The following TMEM132D variants were observed in gnomAD, a reference collection of about 807,000 sequenced individuals.
TMEM132D encodes the protein transmembrane protein 132D.
A neutral mutation model predicts 62.3 loss-of-function variants in TMEM132D; 21 were observed. The ratio of observed to expected loss-of-function variants is 0.34; its 90% CI spans 0.24 to 0.49. The LOEUF is 0.49. Ranked by LOEUF, TMEM132D falls within the 20% of genes least tolerant of loss-of-function variation. The pLI, the probability that TMEM132D is intolerant of heterozygous loss-of-function variation, is 0.99. For synonymous variants in TMEM132D, 621 were observed against 575.6 expected (o/e 1.08, Z -1.13); for missense variants, 1,346 against 1,402.8 (o/e 0.96, Z 0.65).
chr12:129,256,103 A>G (rs942583542), intron 4 of TMEM132D, among the ~76,000 whole-genome samples: 3 of 152,212 alleles, frequency 2.0e-5, no homozygotes, highest in African/African-American at 7.2e-5. Flanking sequence ...TTATTGAGAC[A>G]GAGTCTCACT....
chr12:129,885,509 G>A (rs954345339), intron 1 of TMEM132D, among the ~76,000 whole-genome samples: 2 of 152,210 alleles, frequency 1.3e-5, no homozygotes, highest in Non-Finnish European at 2.9e-5. Flanking sequence ...GGTCTACACC[G>A]TGGCTCAGGT....
intron 3 of TMEM132D, among the ~76,000 whole-genome samples, chr12:129,451,718 A>G (rs1336207073): frequency 6.6e-6 from 1 of 152,234 alleles, no homozygotes; most frequent in African/African-American, 2.4e-5. Flanking sequence ...GACAGCCAGG[A>G]CTGATATGGC....
chr12:129,275,743 T>C (rs1032513960), intron 4 of TMEM132D, among the ~76,000 whole-genome samples: 19 of 152,158 alleles, frequency 1.2e-4, no homozygotes, highest in Admixed American at 7.9e-4. Flanking sequence ...GAAGCGGGGA[T>C]CTCACCTGCC....
At chr12:129,112,639 G>C (rs952605217) in intron 5 of TMEM132D, among the ~76,000 whole-genome samples, 1 of 152,070 alleles carries the variant, frequency 6.6e-6, no homozygotes, top group South Asian at 2.1e-4. Flanking sequence ...CTCCAGCCTG[G>C]CCAACAAAAG....
chr12:129,397,864 A>G (rs1197578048), intron 3 of TMEM132D, among the ~76,000 whole-genome samples: 1 of 152,252 alleles, frequency 6.6e-6, no homozygotes, highest in Admixed American at 6.5e-5. Context: ...GCCAGAAAGC[A>G]TTCAAGATAC....
Position 129,366,622 on chromosome 12 carries a change from G to A in TMEM132D, c.1116-28805C>T, listed in dbSNP as rs116938780. Among the ~76,000 whole-genome samples, 1,166 of 152,274 alleles carry A rather than the reference G, an allele frequency of 7.7e-3. 8 individuals are homozygous for A. Among genetic ancestry groups the A allele is most frequent in the Non-Finnish European group, 8.0e-3 (542 of 68,030 alleles). ...TAGGAATGCAAGAATGGACTAATAC[G>A]CCGTGTGAGCTCTAGGACCAGGCAT... On this transcript the variant is annotated intron_variant, in intron 3 of 8. Coordinates refer to ENST00000422113, the MANE Select transcript of TMEM132D (RefSeq NM_133448.3).
chr12:129,350,623 G>A (rs1412226934), intron 3 of TMEM132D, among the ~76,000 whole-genome samples: 1 of 152,186 alleles, frequency 6.6e-6, no homozygotes, highest in African/African-American at 2.4e-5. Flanking sequence ...TACTGAGTGG[G>A]CCCAGACTTC....
At chr12:129,885,278 T>G (rs1874715567) in intron 1 of TMEM132D, among the ~76,000 whole-genome samples, 1 of 152,230 alleles carries the variant, frequency 6.6e-6, no homozygotes, top group African/African-American at 2.4e-5. Context: ...CAAATTATAC[T>G]TCAATTAGCC....
intron 1 of TMEM132D, among the ~76,000 whole-genome samples, chr12:129,813,589 G>A (rs1258909721): frequency 1.5e-5 from 2 of 130,498 alleles, no homozygotes; most frequent in Non-Finnish European, 3.3e-5. Context: ...CCCAGTGAAG[G>A]ATGGACGGAT....
chr12:129,759,542 C>T (rs1870282628), intron 1 of TMEM132D, among the ~76,000 whole-genome samples: 1 of 152,214 alleles, frequency 6.6e-6, no homozygotes, highest in Non-Finnish European at 1.5e-5. Context: ...CAGTTTGCTT[C>T]TCTGTAAAAG....
At chr12:129,807,372 G>C (rs1366025151) in intron 1 of TMEM132D, among the ~76,000 whole-genome samples, 1 of 152,132 alleles carries the variant, frequency 6.6e-6, no homozygotes. Context: ...GTCTCCCCCA[G>C]GTGGCAGCCA....
chr12:129,118,764 A>G (rs1432950716), intron 5 of TMEM132D, among the ~76,000 whole-genome samples: 1 of 152,236 alleles, frequency 6.6e-6, no homozygotes, highest in Admixed American at 6.5e-5. Context: ...TCCAAGTCTA[A>G]CAGAGTGTGT....
chr12:129,832,476 C>T (rs1872872898), intron 1 of TMEM132D, among the ~76,000 whole-genome samples: 1 of 151,912 alleles, frequency 6.6e-6, no homozygotes, highest in Non-Finnish European at 1.5e-5. Flanking sequence ...GCTTGCAGAC[C>T]CTGCACTAAA....
intron 5 of TMEM132D, among the ~76,000 whole-genome samples, chr12:129,104,759 A>C (rs1221605023): frequency 6.6e-6 from 1 of 150,526 alleles, no homozygotes; most frequent in Non-Finnish European, 1.5e-5. Context: ...TCTCAAAAGA[A>C]GACATTTATG....
intron 3 of TMEM132D, among the ~76,000 whole-genome samples, chr12:129,467,028 G>A (rs1873933147): frequency 6.6e-6 from 1 of 152,114 alleles, no homozygotes. Flanking sequence ...CTGAATCTGT[G>A]ATCTGACACA....
At chr12:129,842,022 C>G (rs1007236371) in intron 1 of TMEM132D, among the ~76,000 whole-genome samples, 5 of 150,712 alleles carry the variant, frequency 3.3e-5, no homozygotes, top group Admixed American at 1.3e-4. Context: ...GCTCTGCCTC[C>G]TGGTTTCACG....
At chr12:129,088,187 CG>C (rs1404255735) in intron 5 of TMEM132D, among the ~76,000 whole-genome samples, 32 of 45,780 alleles carry the variant, frequency 7.0e-4, no homozygotes, top group East Asian at 2.1e-3. Context: ...CCTCCCTGAC[CG>C]GGGTGTCCTC....
intron 1 of TMEM132D, among the ~76,000 whole-genome samples, chr12:129,717,310 T>C (rs1178969813): frequency 2.0e-5 from 3 of 152,322 alleles, no homozygotes; most frequent in African/African-American, 7.2e-5. Flanking sequence ...CTCTCTTTCA[T>C]ATTTGACACA....
chr12:129,121,216 C>A (rs1876049410), intron 5 of TMEM132D, among the ~76,000 whole-genome samples: 1 of 152,144 alleles, frequency 6.6e-6, no homozygotes, highest in East Asian at 1.9e-4. Flanking sequence ...CTGCCTCAGC[C>A]TCCCAAGTAG....
Sources: gnomAD v4.1 joint callset for allele counts (sites outside exome capture counted in the v4.1 genomes callset) on GRCh38, gnomAD v4.1.1 for gene constraint, MANE v1.5 for transcripts, NCBI Gene and HGNC (gene_info 2026-07-23, HGNC 2026-07-21) for gene names.